Variants in MACROD2 observed in about 807,000 individuals in gnomAD.
The protein encoded by MACROD2 is ADP-ribose glycohydrolase MACROD2.
MACROD2 carries 36 observed loss-of-function variants against 70.4 expected under a neutral mutation model. The observed-to-expected ratio is 0.51, with a 90% CI of 0.39 to 0.68. The LOEUF is 0.68. Ranked by LOEUF, MACROD2 falls within the 30% of genes least tolerant of loss-of-function variation. The pLI, the probability that MACROD2 is intolerant of heterozygous loss-of-function variation, is 0.00. For synonymous variants in MACROD2, 172 were observed against 178.8 expected (o/e 0.96, Z 0.30); for missense variants, 496 against 538.4 (o/e 0.92, Z 0.78).
rs950919156 is a variant in MACROD2 at position 15,312,811 on chromosome 20, G to A, written c.540+82750G>A. ...CTATTTAAATTTTCTACCAGTATCT[G>A]TATTCCATTATATGTGTGTGTATAT... On this transcript the variant is annotated intron_variant, in intron 6 of 17. Coordinates refer to ENST00000684519, the MANE Select transcript of MACROD2 (RefSeq NM_001351661.2). 1.4e-4 allele frequency among the ~76,000 whole-genome samples: 22 copies of A among 152,066 alleles called. 1 individual carries two copies. Among genetic ancestry groups the A allele is most frequent in the Admixed American group, 6.6e-5 (1 of 15,262 alleles).
At chr20:15,116,550 C>G (rs2075993022) in intron 5 of MACROD2, among the ~76,000 whole-genome samples, 1 of 152,120 alleles carries the variant, frequency 6.6e-6, no homozygotes, top group Non-Finnish European at 1.5e-5. Flanking sequence ...GAGGCTGAGA[C>G]AGGAGAATCG....
chr20:14,533,648 T>G (rs2085331450), intron 4 of MACROD2, among the ~76,000 whole-genome samples: 1 of 152,230 alleles, frequency 6.6e-6, no homozygotes, highest in South Asian at 2.1e-4. Context: ...AAAGTATAAT[T>G]AAAAAACAAG....
At chr20:15,015,616 G>T (rs1045376649) in intron 5 of MACROD2, among the ~76,000 whole-genome samples, 5 of 152,082 alleles carry the variant, frequency 3.3e-5, no homozygotes, top group African/African-American at 9.7e-5. Context: ...TTAATCTTCA[G>T]TACTTGGAAG....
chr20:14,236,105 A>G (rs2081867974), intron 3 of MACROD2, among the ~76,000 whole-genome samples: 1 of 152,172 alleles, frequency 6.6e-6, no homozygotes, highest in African/African-American at 2.4e-5. Context: ...TATTCATATT[A>G]TATGTTTTTT....
rs190987622 is a variant in MACROD2 at position 15,711,049 on chromosome 20, T to C, written c.646-151696T>C. 1.6e-4 allele frequency among the ~76,000 whole-genome samples: 24 copies of C among 152,354 alleles called. No homozygotes were observed. The East Asian group carries it at 4.6e-3, about 29-fold the overall frequency. On this transcript the variant is annotated intron_variant, in intron 8 of 17. Coordinates refer to ENST00000684519, the MANE Select transcript of MACROD2 (RefSeq NM_001351661.2). ...ATTCACTTATATTTTATTGCTTTAA[T>C]ATTTTGTATTAGCATTACCAGTGAT...
intron 7 of MACROD2, among the ~76,000 whole-genome samples, chr20:15,458,501 A>G (rs2046760812): frequency 2.6e-5 from 4 of 152,118 alleles, no homozygotes; most frequent in Admixed American, 2.6e-4. Context: ...GGTATTTAAC[A>G]GCCAGTTAAA....
Position 14,911,680 on chromosome 20 carries a change from T to A in MACROD2, c.418+226721T>A, listed in dbSNP as rs572965250. On this transcript the variant is annotated intron_variant, in intron 5 of 17. Transcript: ENST00000684519. ...GAGCCACCAGACCTGGCCAGGGTTC[T>A]GATCTCTGAATTCCCCCTTCTTCTT... Among the ~76,000 whole-genome samples the A allele has an allele frequency of 4.6e-5, 7 of 152,232 alleles. 1 individual carries two copies. The South Asian group carries it at 1.0e-3, about 23-fold the overall frequency.
At chr20:14,227,534 G>C (rs2081752861) in intron 3 of MACROD2, among the ~76,000 whole-genome samples, 1 of 151,820 alleles carries the variant, frequency 6.6e-6, no homozygotes, top group Non-Finnish European at 1.5e-5. Flanking sequence ...CTTCACTCCT[G>C]AGCCAGCGAG....
chr20:15,427,517 T>G (rs1000518821), intron 6 of MACROD2, among the ~76,000 whole-genome samples: 3 of 103,064 alleles, frequency 2.9e-5, no homozygotes, highest in Middle Eastern at 4.3e-3. Flanking sequence ...AGATGTTTAT[T>G]AAGGAGTGCC....
intron 6 of MACROD2, among the ~76,000 whole-genome samples, chr20:15,298,977 A>G (rs1193088903): frequency 6.6e-6 from 1 of 152,188 alleles, no homozygotes; most frequent in Non-Finnish European, 1.5e-5. Context: ...TAAGTTTTTG[A>G]TCCATAATCT....
At chr20:14,295,738 A>G (rs2082421688) in intron 3 of MACROD2, among the ~76,000 whole-genome samples, 1 of 151,854 alleles carries the variant, frequency 6.6e-6, no homozygotes, top group Admixed American at 6.6e-5. Context: ...TTGTCATCTC[A>G]CAAGCAGTAG....
chr20:14,163,786 T>C (rs1161874989), intron 3 of MACROD2, among the ~76,000 whole-genome samples: 4 of 151,742 alleles, frequency 2.6e-5, no homozygotes, highest in African/African-American at 9.7e-5. Context: ...ATTCTTCAGC[T>C]CCAGAATTTC....
Position 14,415,793 on chromosome 20 carries a change from C to G in MACROD2, c.272-77686C>G, listed in dbSNP as rs148457882. 1.2e-4 allele frequency among the ~76,000 whole-genome samples: 18 copies of G among 152,244 alleles called. No individual in the cohort carries two copies. The East Asian group carries it at 2.7e-3, about 23-fold the overall frequency. ...AACAGGTGTAAGGCACGTGGTCTAT[C>G]CTTTCCTGGTAGTCTTAGGAAAGTA... On this transcript the variant is annotated intron_variant, in intron 3 of 17. Transcript: ENST00000684519.
chr20:14,372,462 CTT>C (rs2083334106), intron 3 of MACROD2, among the ~76,000 whole-genome samples: 1 of 151,754 alleles, frequency 6.6e-6, no homozygotes, highest in Non-Finnish European at 1.5e-5. Context: ...CATATAAAGT[CTT>C]TTGTGCCTTG....
intron 5 of MACROD2, among the ~76,000 whole-genome samples, chr20:14,688,473 T>G (rs1600542059): frequency 1.3e-5 from 2 of 152,200 alleles, no homozygotes; most frequent in South Asian, 4.1e-4. Flanking sequence ...CTTGGATGTT[T>G]TGAATGATTT....
chr20:15,872,713 A>G (rs2064603135), intron 9 of MACROD2, among the ~76,000 whole-genome samples: 1 of 152,216 alleles, frequency 6.6e-6, no homozygotes, highest in Non-Finnish European at 1.5e-5. Flanking sequence ...TTTGAAAAAT[A>G]TATAAAACTT....
intron 4 of MACROD2, among the ~76,000 whole-genome samples, chr20:14,624,148 G>A (rs1379970677): frequency 2.0e-5 from 3 of 152,160 alleles, no homozygotes; most frequent in African/African-American, 7.2e-5. Flanking sequence ...TAGAAGGCAG[G>A]AGGTAGACCT....
chr20:14,014,040 C>T (rs2052952537), intron 2 of MACROD2, among the ~76,000 whole-genome samples: 1 of 152,070 alleles, frequency 6.6e-6, no homozygotes, highest in South Asian at 2.1e-4. Context: ...AAAATTCTTT[C>T]TTTATATTTC....
chr20:14,255,139 A>C (rs2122287509), intron 3 of MACROD2, among the ~76,000 whole-genome samples: 1 of 152,218 alleles, frequency 6.6e-6, no homozygotes, highest in South Asian at 2.1e-4. Context: ...CTTTGTGGGT[A>C]ACCCGACCTT....
Sources: gnomAD v4.1 joint callset for allele counts (sites outside exome capture counted in the v4.1 genomes callset) on GRCh38, gnomAD v4.1.1 for gene constraint, MANE v1.5 for transcripts, NCBI Gene and HGNC (gene_info 2026-07-23, HGNC 2026-07-21) for gene names.